The following FAM149B1 variants were observed in gnomAD, a reference collection of about 807,000 sequenced individuals.
FAM149B1 encodes the protein family with sequence similarity 149 member B1.
FAM149B1 carries 56 observed loss-of-function variants against 75.3 expected under a neutral mutation model. The ratio of observed to expected loss-of-function variants is 0.74; its 90% confidence interval spans 0.60 to 0.93. FAM149B1 has a LOEUF of 0.93. FAM149B1 is among the 40% of genes least tolerant of loss of function. FAM149B1 has a pLI of 0.00. For synonymous variants in FAM149B1, 259 were observed against 256.1 expected, an observed-to-expected ratio of 1.01 and a Z score of -0.11; for missense variants, 639 against 708.4, an observed-to-expected ratio of 0.90 and a Z score of 1.11.
intron 13 of FAM149B1, among the ~76,000 whole-genome samples, chr10:73,240,669 G>A (rs908686683): frequency 6.6e-6 from 1 of 150,706 alleles, no homozygotes; most frequent in African/African-American, 2.5e-5. Context: ...CCGAGATCAT[G>A]CCACTGCACC....
chr10:73,177,136 G>A (rs1056848870), intron 2 of FAM149B1, among the ~76,000 whole-genome samples: 3 of 151,052 alleles, frequency 2.0e-5, no homozygotes, highest in Non-Finnish European at 3.0e-5. Context: ...CCCAGGAGGC[G>A]GAGGTTGCAG....
At chr10:73,230,114 C>T (rs2043650164) in intron 8 of FAM149B1, among the ~76,000 whole-genome samples, 3 of 152,080 alleles carry the variant, frequency 2.0e-5, no homozygotes, top group Non-Finnish European at 4.4e-5. Context: ...GTTTTCTCTT[C>T]TATTTTAATG....
At chr10:73,220,466 A>G (rs2043385539) in intron 7 of FAM149B1, among the ~76,000 whole-genome samples, 1 of 152,222 alleles carries the variant, frequency 6.6e-6, no homozygotes, top group South Asian at 2.1e-4. Flanking sequence ...AAAAACTTGA[A>G]CATGAATGCT....
intron 7 of FAM149B1, among the ~76,000 whole-genome samples, chr10:73,224,369 CAT>C (rs2043485608): frequency 6.6e-6 from 1 of 151,886 alleles, no homozygotes; most frequent in South Asian, 2.1e-4. Context: ...AACTAGAAAA[CAT>C]ACATCAGAAA....
At chr10:73,187,167 A>G (rs958807988) in intron 3 of FAM149B1, among the ~76,000 whole-genome samples, 1 of 152,144 alleles carries the variant, frequency 6.6e-6, no homozygotes, top group African/African-American at 2.4e-5. Context: ...AGACTTGTAC[A>G]TTGGAAATTT....
chr10:73,237,451 C>G (rs1169226229), intron 12 of FAM149B1, among the ~76,000 whole-genome samples: 1 of 151,764 alleles, frequency 6.6e-6, no homozygotes, highest in African/African-American at 2.4e-5. Flanking sequence ...GAGTCTTACT[C>G]TGTCGCCCAG....
intron 1 of FAM149B1, chr10:73,169,180 C>T: frequency 6.6e-6 from 1 of 150,530 alleles, no homozygotes; most frequent in East Asian, 1.9e-4. Context: ...AAAAAAATGG[C>T]CGGGCATGGA....
At chr10:73,177,153 G>T (rs546678353) in intron 2 of FAM149B1, among the ~76,000 whole-genome samples, 1 of 150,780 alleles carries the variant, frequency 6.6e-6, no homozygotes, top group South Asian at 2.1e-4. Context: ...GCAGTGAGCT[G>T]ATTTCGCACC....
intron 3 of FAM149B1, among the ~76,000 whole-genome samples, chr10:73,179,240 G>A (rs573491285): frequency 6.6e-6 from 1 of 152,280 alleles, no homozygotes; most frequent in South Asian, 2.1e-4. Flanking sequence ...TGGGATTACA[G>A]GCATGAGCCA....
In FAM149B1 at chr10:73,243,802, A is replaced by T. The variant is rs2043978785; in HGVS notation, c.*2783A>T. The T allele has an allele frequency of 2.0e-6, 3 of 1,529,220 alleles. No individual in the cohort carries two copies. The South Asian group carries it at 3.5e-5, about 18-fold the overall frequency. 94.7% of individuals were successfully genotyped at this position (1,529,220 alleles called of 1,614,324 possible). On this transcript the variant is annotated 3_prime_UTR_variant, in exon 14 of 14. Transcript: ENST00000242505. ...TCCAAAGAAAATATTAGCAGTAGGA[A>T]TCAGATCATTAAAGATGTGGCAACA...
At chr10:73,182,283 C>T (rs1355408864) in intron 3 of FAM149B1, among the ~76,000 whole-genome samples, 2 of 149,740 alleles carry the variant, frequency 1.3e-5, no homozygotes, top group Admixed American at 6.7e-5. Context: ...GGCACAATCT[C>T]GGCTCACTGC....
chr10:73,185,597 G>A (rs1163919627), intron 3 of FAM149B1, among the ~76,000 whole-genome samples: 4 of 152,058 alleles, frequency 2.6e-5, no homozygotes, highest in East Asian at 1.9e-4. Flanking sequence ...GCACAGATGC[G>A]CTAGTAAACT....
In FAM149B1 at chr10:73,243,596, G is replaced by C; in HGVS notation, c.*2577G>C. On this transcript the variant is annotated 3_prime_UTR_variant, in exon 14 of 14. Coordinates refer to ENST00000242505, the MANE Select transcript of FAM149B1 (RefSeq NM_173348.2). Reference sequence around the variant, plus strand: ...AGTACCTAGTGGTTGCCAGGGGCTGGAAAAGTGGAATAACTACTAATGGGT... The same window carrying C: ...AGTACCTAGTGGTTGCCAGGGGCTGCAAAAGTGGAATAACTACTAATGGGT... The C allele has an allele frequency of 1.3e-6, 2 of 1,568,696 alleles. No individual in the cohort carries two copies. Among genetic ancestry groups the C allele is most frequent in the Admixed American group, 3.7e-5 (2 of 54,380 alleles).
chr10:73,171,180 C>T (rs550516684), intron 1 of FAM149B1, among the ~76,000 whole-genome samples: 9 of 152,198 alleles, frequency 5.9e-5, no homozygotes, highest in Non-Finnish European at 1.3e-4. Flanking sequence ...CTCCTGGACT[C>T]TGTCTGCCTC....
At chr10:73,239,274 G>C (rs183051005) in intron 12 of FAM149B1, 38 bp from the exon 13 acceptor site, 1 of 1,493,112 alleles carries the variant, frequency 6.7e-7, no homozygotes, top group Non-Finnish European at 9.1e-7. Context: ...TTTGTGAGAA[G>C]ATGCATCATA....
At chr10:73,230,587 C>A in intron 9 of FAM149B1, 62 bp downstream of exon 9, 1 of 939,508 alleles carries the variant, frequency 1.1e-6, no homozygotes, top group Non-Finnish European at 1.7e-6. Flanking sequence ...AAAGCAAAAT[C>A]AGTTTATCAG....
At chr10:73,177,507 G>A (rs541044356) in intron 2 of FAM149B1, among the ~76,000 whole-genome samples, 2 of 152,122 alleles carry the variant, frequency 1.3e-5, no homozygotes, top group South Asian at 2.1e-4. Flanking sequence ...CCAGGAGGCC[G>A]AGGTTGCAAT....
intron 13 of FAM149B1, among the ~76,000 whole-genome samples, chr10:73,240,434 TG>T (rs1564720452): frequency 6.6e-6 from 1 of 152,178 alleles, no homozygotes; most frequent in Admixed American, 6.5e-5. Context: ...TATAACTGGC[TG>T]GGCGTGGTGG....
chr10:73,205,850 C>T (rs1045551696), intron 5 of FAM149B1, among the ~76,000 whole-genome samples: 2 of 152,178 alleles, frequency 1.3e-5, no homozygotes, highest in African/African-American at 4.8e-5. Context: ...CCGCACCTGG[C>T]TAGGTATTTC....
Sources: gnomAD v4.1 joint callset for allele counts (sites outside exome capture counted in the v4.1 genomes callset) on GRCh38, gnomAD v4.1.1 for gene constraint, MANE v1.5 for transcripts, NCBI Gene and HGNC (gene_info 2026-07-23, HGNC 2026-07-21) for gene names.